The following CRPPA variants were observed in gnomAD, a reference collection of about 807,000 sequenced individuals.
CRPPA encodes the protein CDP-L-ribitol pyrophosphorylase A.
CRPPA carries 43 observed loss-of-function variants against 52.0 expected under a neutral mutation model. That is an observed-to-expected ratio of 0.83 (90% CI 0.65 to 1.07). The LOEUF is 1.07. CRPPA is among the 50% of genes least tolerant of loss of function. CRPPA has a pLI of 0.00. For synonymous variants in CRPPA, 250 were observed against 203.5 expected (o/e 1.23, Z -1.94); for missense variants, 629 against 551.7 (o/e 1.14, Z -1.40).
chr7:16,273,976 C>A (rs1318612101), intron 6 of CRPPA, among the ~76,000 whole-genome samples: 2 of 152,182 alleles, frequency 1.3e-5, no homozygotes, highest in East Asian at 1.9e-4. Context: ...TGCGAAGGGG[C>A]CAGGGGAACT....
In CRPPA at chr7:16,284,547, T is replaced by A. The variant is rs76233294; in HGVS notation, c.836-6321A>T. ...TAATCTCTTTCTTATGGTCTTAATA[T>A]TTCAGGGTTTGGTAAACAATCCATA... is the stretch of plus-strand genomic sequence containing the variant. On this transcript the variant is annotated intron_variant, in intron 5 of 9. Transcript: ENST00000407010. 7.0e-3 allele frequency among the ~76,000 whole-genome samples: 1,063 copies of A among 152,234 alleles called. 18 individuals are homozygous for A. The highest frequency in any genetic ancestry group is 0.024 in the African/African-American group (1,008 of 41,564).
chr7:16,329,085 G>A (rs1015959016), intron 3 of CRPPA, among the ~76,000 whole-genome samples: 1 of 152,136 alleles, frequency 6.6e-6, no homozygotes, highest in Non-Finnish European at 1.5e-5. Flanking sequence ...ATTCACAAAT[G>A]TCCTTAAGGT....
At chr7:16,400,530 A>ACACGACTGGCACATGATTGT (rs1375771846) in intron 2 of CRPPA, among the ~76,000 whole-genome samples, 2 of 152,142 alleles carry the variant, frequency 1.3e-5, no homozygotes, top group Non-Finnish European at 1.5e-5. Flanking sequence ...CACATGATTG[A>ACACGACTGGCACATGATTGT]CACTACTGAC....
At chr7:16,235,396 A>C (rs1308466039) in intron 8 of CRPPA, among the ~76,000 whole-genome samples, 1 of 152,074 alleles carries the variant, frequency 6.6e-6, no homozygotes, top group Non-Finnish European at 1.5e-5. Flanking sequence ...ATGCAGGATA[A>C]AGGTACTAAT....
intron 8 of CRPPA, among the ~76,000 whole-genome samples, chr7:16,244,863 C>T (rs909773708): frequency 6.6e-6 from 1 of 152,152 alleles, no homozygotes. Flanking sequence ...ACAATAAATG[C>T]ACTGAATATC....
intron 3 of CRPPA, among the ~76,000 whole-genome samples, chr7:16,332,755 T>C (rs778287108): frequency 1.3e-5 from 2 of 152,050 alleles, no homozygotes; most frequent in East Asian, 3.9e-4. Context: ...ACAACATATA[T>C]AAAATAGTTT....
chr7:16,299,732 T>A, intron 5 of CRPPA, among the ~76,000 whole-genome samples: 1 of 152,174 alleles, frequency 6.6e-6, no homozygotes, highest in East Asian at 1.9e-4. Flanking sequence ...TTTTAAATAC[T>A]TAAAAAATAA....
chr7:16,178,932 C>G lies in CRPPA; in HGVS notation c.1251+37134G>C, dbSNP rs951665376. Among the ~76,000 whole-genome samples the G allele has an allele frequency of 2.6e-5, 4 of 152,074 alleles. No individual in the cohort carries two copies. The South Asian group carries it at 8.3e-4, about 32-fold the overall frequency. ...AACCCCCATAAATTTGGTTGAGGCTCTATTTACTAGCAAGAAATACAAAGA... is the reference window on the plus strand; with the variant it reads ...AACCCCCATAAATTTGGTTGAGGCTGTATTTACTAGCAAGAAATACAAAGA... On this transcript the variant is annotated intron_variant, in intron 9 of 9. Transcript: ENST00000407010.
rs1280575615 is a variant in CRPPA, at chr7:16,316,313, G to A, written c.685-7686C>T. On this transcript the variant is annotated intron_variant, in intron 3 of 9. Transcript: ENST00000407010. ...CTGGGAGACAGAAGAGGACAGGGCT[G>A]GCATGAAGACTTTATTTTTGTACCC... 6.6e-5 allele frequency among the ~76,000 whole-genome samples: 10 copies of A among 151,954 alleles called. 1 individual carries two copies. Among genetic ancestry groups the A allele is most frequent in the Admixed American group, 6.6e-4 (10 of 15,248 alleles).
chr7:16,258,366 A>T, intron 8 of CRPPA, 24 bp downstream of exon 8: 1 of 1,447,856 alleles, frequency 6.9e-7, no homozygotes, highest in Non-Finnish European at 9.6e-7. Flanking sequence ...AAGTTTGAGA[A>T]AAATCTGCAT....
At chr7:16,202,364 C>T (rs1781879867) in intron 9 of CRPPA, among the ~76,000 whole-genome samples, 1 of 152,008 alleles carries the variant, frequency 6.6e-6, no homozygotes. Context: ...TAGAGTAGTA[C>T]ATTAAATGAA....
chr7:16,283,508 T>A (rs554783009), intron 5 of CRPPA, among the ~76,000 whole-genome samples: 1 of 140,530 alleles, frequency 7.1e-6, no homozygotes, highest in South Asian at 2.2e-4. Context: ...TATATAAAAA[T>A]GATACTATCT....
In CRPPA at chr7:16,216,120, C is replaced by T. The variant is rs1486415198; in HGVS notation, c.1197G>A (p.Lys399=). Reference sequence around the variant, plus strand: ...ACAAAATATTTCTTTCTTTTACTTCCTTTGCAAATTCTCTAATCTGCATTA... The same window carrying T: ...ACAAAATATTTCTTTCTTTTACTTCTTTTGCAAATTCTCTAATCTGCATTA... ...ENLMQIREFA[K]EVKERNILLY... Residue 399 remains lysine (K), a synonymous_variant, in exon 9 of 10, where the codon AAG becomes AAA. Coordinates refer to ENST00000407010, the MANE Select transcript of CRPPA (RefSeq NM_001101426.4). The T allele has an allele frequency of 6.3e-7, 1 of 1,598,142 alleles. No homozygotes were observed. Among genetic ancestry groups the T allele is most frequent in the African/African-American group, 1.3e-5 (1 of 74,390 alleles).
intron 2 of CRPPA, among the ~76,000 whole-genome samples, chr7:16,384,454 T>A (rs1304503830): frequency 1.3e-5 from 2 of 152,138 alleles, no homozygotes; most frequent in African/African-American, 4.8e-5. Flanking sequence ...AAACTACCCC[T>A]GCAAAGGGGC....
chr7:16,223,112 C>T (rs555148694), intron 8 of CRPPA, among the ~76,000 whole-genome samples: 8 of 151,924 alleles, frequency 5.3e-5, no homozygotes, highest in African/African-American at 1.2e-4. Flanking sequence ...GGCAACAAGG[C>T]GAAATGCTGT....
chr7:16,134,795 G>A (rs1405156988), intron 9 of CRPPA, among the ~76,000 whole-genome samples: 1 of 152,154 alleles, frequency 6.6e-6, no homozygotes, highest in African/African-American at 2.4e-5. Flanking sequence ...GCCAGATCAT[G>A]TACAAATTTA....
chr7:16,348,879 C>A (rs1036555973), intron 3 of CRPPA, among the ~76,000 whole-genome samples: 2 of 152,144 alleles, frequency 1.3e-5, no homozygotes, highest in African/African-American at 4.8e-5. Flanking sequence ...TAGCTCCCAC[C>A]CAAGGGACTG....
At position 16,132,275 on chromosome 7, in the gene CRPPA, G is replaced by A. The variant is rs894667358; in HGVS notation, c.1252-40476C>T. On this transcript the variant is annotated intron_variant, in intron 9 of 9. Coordinates refer to ENST00000407010, the MANE Select transcript of CRPPA (RefSeq NM_001101426.4). Reference sequence around the variant, plus strand: ...GAGTGGTGATGTCCATCGTATGCCTGTAACATTATTGTATTTTGGAAACAT... The same window carrying A: ...GAGTGGTGATGTCCATCGTATGCCTATAACATTATTGTATTTTGGAAACAT... Among the ~76,000 whole-genome samples, 3 of 125,030 alleles carry A rather than the reference G, an allele frequency of 2.4e-5. 1 individual carries two copies. In the Admixed American group the frequency reaches 2.4e-4, roughly 10 times the overall value. 82.0% of individuals were successfully genotyped at this position (125,030 alleles called of 152,430 possible).
chr7:16,368,132 AG>A (rs1359229316), intron 3 of CRPPA, among the ~76,000 whole-genome samples: 1 of 152,212 alleles, frequency 6.6e-6, no homozygotes, highest in East Asian at 1.9e-4. Context: ...AATTTTAAAA[AG>A]CTTCTTTGTA....
Sources: gnomAD v4.1 joint callset for allele counts (sites outside exome capture counted in the v4.1 genomes callset) on GRCh38, gnomAD v4.1.1 for gene constraint, MANE v1.5 for transcripts, NCBI Gene and HGNC (gene_info 2026-07-23, HGNC 2026-07-21) for gene names.